The following NRP2 variants were observed in gnomAD, a reference collection of about 807,000 sequenced individuals.
NRP2 encodes the protein neuropilin 2, also known as neuropilin-2.
A neutral mutation model predicts 110.4 loss-of-function variants in NRP2; 52 were observed. The ratio of observed to expected loss-of-function variants is 0.47; its 90% CI spans 0.38 to 0.59. The LOEUF (loss-of-function observed/expected upper bound fraction) is 0.59. NRP2 is among the 20% of genes least tolerant of loss of function. The pLI, the probability that NRP2 is intolerant of heterozygous loss-of-function variation, is 0.00. For synonymous variants in NRP2, 508 were observed against 468.9 expected (o/e 1.08, Z -1.08); for missense variants, 1,049 against 1,203.0 (o/e 0.87, Z 1.89).
chr2:205,745,509 T>C (rs753283822), intron 9 of NRP2, among the ~76,000 whole-genome samples: 1 of 152,174 alleles, frequency 6.6e-6, no homozygotes, highest in Non-Finnish European at 1.5e-5. Flanking sequence ...ATTGCCACCT[T>C]TGTTTACTTC....
chr2:205,737,454 C>T (rs2057365686), intron 7 of NRP2, among the ~76,000 whole-genome samples: 1 of 152,170 alleles, frequency 6.6e-6, no homozygotes, highest in Admixed American at 6.5e-5. Context: ...AGATATTTGC[C>T]CACACTTATG....
intron 15 of NRP2, among the ~76,000 whole-genome samples, chr2:205,775,571 G>A (rs536574111): frequency 4.8e-4 from 73 of 152,244 alleles, no homozygotes; most frequent in African/African-American, 1.7e-3. Context: ...TAAAAAATGA[G>A]GATGCATTAG....
rs1227389638 is a variant in NRP2 at position 205,743,206 on chromosome 2, C to T, written c.1295C>T (p.Ala432Val). The change falls in exon 9 of 17, where the codon GCT becomes GTT. Residue 432 changes from alanine to valine, a missense_variant. Transcript: ENST00000357785. ...TATCTTCCTCTCCTCTCTGCAGATGCTCCCTGCTCCAACATGCTGGGGATG... is the reference window on the plus strand; with the variant it reads ...TATCTTCCTCTCCTCTCTGCAGATGTTCCCTGCTCCAACATGCTGGGGATG... ...LELFGCRVTD[A>V]PCSNMLGMLS... 5 of 1,611,760 alleles carry T rather than the reference C, an allele frequency of 3.1e-6. No individual in the cohort carries two copies. Among genetic ancestry groups the T allele is most frequent in the Non-Finnish European group, 4.2e-6 (5 of 1,179,996 alleles).
chr2:205,743,840 T>C (rs1575615361), intron 9 of NRP2: 2 of 442,230 alleles, frequency 4.5e-6, no homozygotes, highest in Admixed American at 3.9e-5. Flanking sequence ...GCCTCCAGGG[T>C]TCAAGCGATT....
chr2:205,750,996 G>A (rs920443740), intron 11 of NRP2, among the ~76,000 whole-genome samples: 2 of 152,142 alleles, frequency 1.3e-5, no homozygotes, highest in African/African-American at 4.8e-5. Flanking sequence ...GTGTGGGTGG[G>A]GGACACTGTT....
intron 2 of NRP2, among the ~76,000 whole-genome samples, chr2:205,707,522 C>G (rs1456776989): frequency 1.6e-4 from 24 of 152,334 alleles, no homozygotes. Context: ...CACCTACTCC[C>G]AAACTGTCCC....
In NRP2 at chr2:205,795,387, AT is replaced by A. The variant is rs2058343853; in HGVS notation, c.*331del. On this transcript the variant is annotated 3_prime_UTR_variant, in exon 17 of 17. Coordinates refer to ENST00000357785, the MANE Select transcript of NRP2 (RefSeq NM_003872.3). ...TATTATTATTATTATTATTATTATT[AT>A]TATATTTTATTTCTTTGGTCTGTGA... The A allele has an allele frequency of 1.3e-5, 2 of 150,356 alleles. No homozygotes were observed. The highest frequency in any genetic ancestry group is 4.9e-5 in the African/African-American group (2 of 40,890). 9.3% of individuals were successfully genotyped at this position (150,356 alleles called of 1,614,324 possible).
intron 2 of NRP2, among the ~76,000 whole-genome samples, chr2:205,700,545 C>T (rs2056530471): frequency 6.6e-6 from 1 of 152,236 alleles, no homozygotes; most frequent in Non-Finnish European, 1.5e-5. Context: ...AGCCTGGAAA[C>T]AGGGCCCTGA....
At chr2:205,684,454 G>T (rs982811792) in intron 1 of NRP2, among the ~76,000 whole-genome samples, 2 of 152,174 alleles carry the variant, frequency 1.3e-5, no homozygotes, top group African/African-American at 4.8e-5. Flanking sequence ...CTTGCAAGGC[G>T]ATGGCGGCAG....
chr2:205,766,932 A>G, intron 15 of NRP2, 129 bp downstream of exon 15: 1 of 794,058 alleles, frequency 1.3e-6, no homozygotes, highest in Non-Finnish European at 2.1e-6. Context: ...GAGACGCCAC[A>G]CCTTCCTGCC....
chr2:205,685,046 C>A (rs991176677), intron 1 of NRP2, among the ~76,000 whole-genome samples: 3 of 152,190 alleles, frequency 2.0e-5, no homozygotes, highest in African/African-American at 7.2e-5. Context: ...GACTCAGGGG[C>A]CATCTCCTAC....
Position 205,742,111 on chromosome 2 carries a change from T to A in NRP2, c.1292-1092T>A, listed in dbSNP as rs1356837894. Among the ~76,000 whole-genome samples the A allele has an allele frequency of 2.0e-5, 3 of 152,240 alleles. No homozygotes were observed. In the East Asian group the frequency reaches 5.8e-4, roughly 29 times the overall value. The stretch of plus-strand genomic sequence containing the variant: ...CAGCAAAGATTTAGGTAGAGGTCAT[T>A]CTCTGGAAGATTGAAAGGAGAGAAC... On this transcript the variant is annotated intron_variant, in intron 8 of 16. Coordinates refer to ENST00000357785, the MANE Select transcript of NRP2 (RefSeq NM_003872.3).
chr2:205,776,507 A>G, intron 15 of NRP2: 5 of 1,607,128 alleles, frequency 3.1e-6, no homozygotes, highest in Non-Finnish European at 4.2e-6. Flanking sequence ...CTAGAGCAAG[A>G]CCGTGGCTCG....
intron 1 of NRP2, among the ~76,000 whole-genome samples, chr2:205,697,326 G>GTGTGTGTT (rs2056452697): frequency 6.6e-6 from 1 of 151,446 alleles, no homozygotes; most frequent in Admixed American, 6.6e-5. Context: ...GTGTGTGTGT[G>GTGTGTGTT]TGTGTGTGTG....
chr2:205,723,102 C>A (rs1376665265), intron 4 of NRP2, among the ~76,000 whole-genome samples: 1 of 152,206 alleles, frequency 6.6e-6, no homozygotes, highest in Non-Finnish European at 1.5e-5. Flanking sequence ...CAACCTTAGA[C>A]AAATCCCTTA....
chr2:205,794,754 A>G lies in NRP2; in HGVS notation c.2477A>G (p.Asp826Gly), dbSNP rs1470529290. 1 of 1,614,008 alleles carries G rather than the reference A, an allele frequency of 6.2e-7. No homozygotes were observed. Among genetic ancestry groups the G allele is most frequent in the Non-Finnish European group, 8.5e-7 (1 of 1,180,016 alleles). Reference sequence around the variant, plus strand: ...CTCTCATGAATTTTATGTATCGCAGATGAATACGAGGTGGACTGGAGCAAT... The same window carrying G: ...CTCTCATGAATTTTATGTATCGCAGGTGAATACGAGGTGGACTGGAGCAAT... ...EREGYEDEID[D>G]EYEVDWSNSS... Residue 826 changes from aspartate (D) to glycine (G), a missense_variant and splice_region_variant, in exon 17 of 17, where the codon GAT becomes GGT. By Grantham distance (94) the Asp-to-Gly change is moderately conservative (BLOSUM62 -1). Transcript: ENST00000357785.
chr2:205,723,878 T>C lies in NRP2; in HGVS notation c.758T>C (p.Met253Thr). ...CTCTCCCTGACCTTTCACACGGACA[T>C]GGCGGTGGCCAAGGATGGCTTCTCT... ...GILSLTFHTDMAVAKDGFSAR... is the reference protein window; with the variant it reads ...GILSLTFHTDTAVAKDGFSAR... Residue 253 changes from methionine (M) to threonine (T), a missense_variant, in exon 5 of 17, where the codon ATG becomes ACG. Physicochemically the swap from Met to Thr is moderately conservative, Grantham distance 81 (BLOSUM62 -1). Transcript: ENST00000357785. 6.2e-7 allele frequency: 1 copy of C among 1,614,210 alleles called. No individual in the cohort carries two copies. Among genetic ancestry groups the C allele is most frequent in the Non-Finnish European group, 8.5e-7 (1 of 1,180,042 alleles).
At chr2:205,721,531 C>A (rs2057011966) in intron 3 of NRP2, among the ~76,000 whole-genome samples, 2 of 152,084 alleles carry the variant, frequency 1.3e-5, no homozygotes, top group Admixed American at 1.3e-4. Flanking sequence ...GCACAAGGAC[C>A]CTTTTAATAT....
chr2:205,716,584 G>T (rs1444128490), intron 3 of NRP2, among the ~76,000 whole-genome samples: 4 of 149,828 alleles, frequency 2.7e-5, no homozygotes, highest in Non-Finnish European at 1.5e-5. Context: ...GGGCGGGGGG[G>T]TGGGGGTGGG....
Sources: gnomAD v4.1 joint callset for allele counts (sites outside exome capture counted in the v4.1 genomes callset) on GRCh38, gnomAD v4.1.1 for gene constraint, MANE v1.5 for transcripts, NCBI Gene and HGNC (gene_info 2026-07-23, HGNC 2026-07-21) for gene names.